The following TNR variants were observed in gnomAD, a reference collection of about 807,000 sequenced individuals.
The protein encoded by TNR is tenascin R.
Under a neutral mutation model 150.4 loss-of-function variants are expected in TNR, and 45 were observed. The observed-to-expected ratio is 0.30, with a 90% CI of 0.24 to 0.38. The LOEUF is 0.38. Ranked by LOEUF, TNR falls within the 10% of genes least tolerant of loss-of-function variation. TNR has a pLI of 1.00. For synonymous variants in TNR, 687 were observed against 678.4 expected, an observed-to-expected ratio of 1.01 and a Z score of -0.20; for missense variants, 1,544 against 1,759.1, an observed-to-expected ratio of 0.88 and a Z score of 2.19.
rs368241781 is a variant in TNR, at chr1:175,510,976, CA to C, written c.-64+17292del. 2.2e-3 allele frequency among the ~76,000 whole-genome samples: 328 copies of C among 152,258 alleles called. 1 individual carries two copies. Among genetic ancestry groups the C allele is most frequent in the African/African-American group, 7.5e-3 (313 of 41,542 alleles). ...TGAAAGGAATTAGCTGCTTATATGG[CA>C]AAAAATATCACCAACATGGAGGTGA... On this transcript the variant is annotated intron_variant, in intron 2 of 22. Transcript: ENST00000367674.
intron 2 of TNR, among the ~76,000 whole-genome samples, chr1:175,439,820 A>G (rs1655695471): frequency 6.6e-6 from 1 of 152,230 alleles, no homozygotes; most frequent in South Asian, 2.1e-4. Flanking sequence ...CAAAACCATA[A>G]TGAGATACCA....
At chr1:175,474,731 G>A (rs1030429394) in intron 2 of TNR, among the ~76,000 whole-genome samples, 2 of 152,182 alleles carry the variant, frequency 1.3e-5, no homozygotes, top group African/African-American at 4.8e-5. Flanking sequence ...GCTGGTAAGA[G>A]GGAACATGCT....
intron 1 of TNR, among the ~76,000 whole-genome samples, chr1:175,680,330 A>T (rs555696963): frequency 5.0e-4 from 76 of 152,262 alleles, no homozygotes; most frequent in Non-Finnish European, 1.1e-3. Context: ...AGGCAGAGAC[A>T]GACAGAGATG....
chr1:175,629,400 C>T (rs4140561), intron 1 of TNR, among the ~76,000 whole-genome samples: 40,093 of 152,018 alleles, frequency 0.26, 6,025 homozygotes, highest in East Asian at 0.5. Flanking sequence ...AGCTCATGAA[C>T]ATTAAAAATG....
At chr1:175,658,814 C>G (rs978390605) in intron 1 of TNR, among the ~76,000 whole-genome samples, 1 of 152,142 alleles carries the variant, frequency 6.6e-6, no homozygotes, top group Non-Finnish European at 1.5e-5. Flanking sequence ...TTTGCCAATC[C>G]CTGGATCCCA....
intron 2 of TNR, among the ~76,000 whole-genome samples, chr1:175,485,750 T>A (rs1440182989): frequency 6.6e-6 from 1 of 152,196 alleles, no homozygotes; most frequent in Admixed American, 6.5e-5. Context: ...AGTATAATGT[T>A]TATTTATATA....
intron 2 of TNR, among the ~76,000 whole-genome samples, chr1:175,520,959 C>A (rs910637969): frequency 6.6e-6 from 1 of 152,190 alleles, no homozygotes; most frequent in East Asian, 1.9e-4. Flanking sequence ...GGACACCTAC[C>A]TTTCTGAAGG....
intron 9 of TNR, among the ~76,000 whole-genome samples, chr1:175,369,318 C>T (rs894656782): frequency 1.3e-5 from 2 of 152,172 alleles, no homozygotes; most frequent in African/African-American, 4.8e-5. Context: ...AAGGTGTCGC[C>T]AGGACCATGC....
intron 2 of TNR, among the ~76,000 whole-genome samples, chr1:175,425,370 A>G (rs1244295704): frequency 6.6e-6 from 1 of 152,204 alleles, no homozygotes; most frequent in African/African-American, 2.4e-5. Flanking sequence ...GGTGGTTTTA[A>G]GCACTTAATA....
chr1:175,635,889 T>C (rs556540061), intron 1 of TNR, among the ~76,000 whole-genome samples: 50 of 151,856 alleles, frequency 3.3e-4, no homozygotes, highest in African/African-American at 1.1e-3. Flanking sequence ...TGAAAATCCA[T>C]TTCAATTCAA....
At chr1:175,393,318 A>T (rs960277442) in intron 6 of TNR, among the ~76,000 whole-genome samples, 1 of 152,170 alleles carries the variant, frequency 6.6e-6, no homozygotes, top group Non-Finnish European at 1.5e-5. Context: ...TATGTCTGTA[A>T]CCTTTAGGGA....
chr1:175,708,856 T>G (rs1245398740), intron 1 of TNR, among the ~76,000 whole-genome samples: 1 of 152,160 alleles, frequency 6.6e-6, no homozygotes, highest in Non-Finnish European at 1.5e-5. Context: ...TCAAGTTACT[T>G]ACAGCTAATC....
chr1:175,656,820 T>G (rs1484792754), intron 1 of TNR, among the ~76,000 whole-genome samples: 1 of 152,114 alleles, frequency 6.6e-6, no homozygotes, highest in African/African-American at 2.4e-5. Flanking sequence ...TGTATGAGCT[T>G]GAAGTTTTGT....
In TNR at chr1:175,359,743, T is replaced by C; in HGVS notation, c.2855-12A>G. Reference sequence around the variant, plus strand: ...AGGGTTGTCCATGGCTGAAACAGAATAGATTATCAGTTACAGATAAGAGGA... The same window carrying C: ...AGGGTTGTCCATGGCTGAAACAGAACAGATTATCAGTTACAGATAAGAGGA... On this transcript the variant is annotated splice_polypyrimidine_tract_variant and intron_variant, in intron 14 of 22. Transcript: ENST00000367674. 6.2e-7 allele frequency: 1 copy of C among 1,602,174 alleles called. No individual in the cohort carries two copies. The highest frequency in any genetic ancestry group is 8.5e-7 in the Non-Finnish European group (1 of 1,174,320).
chr1:175,349,041 T>C (rs753620852), intron 18 of TNR, among the ~76,000 whole-genome samples: 2 of 152,144 alleles, frequency 1.3e-5, no homozygotes, highest in African/African-American at 4.8e-5. Context: ...AAATGAGATA[T>C]AAATTATCTC....
intron 1 of TNR, among the ~76,000 whole-genome samples, chr1:175,730,606 A>G (rs546097844): frequency 1.1e-4 from 16 of 152,370 alleles, no homozygotes; most frequent in Admixed American, 3.3e-4. Flanking sequence ...CTGAATGCCA[A>G]CAGAATTCCA....
intron 1 of TNR, among the ~76,000 whole-genome samples, chr1:175,678,562 C>A (rs533961781): frequency 9.8e-5 from 15 of 152,334 alleles, no homozygotes; most frequent in Admixed American, 7.8e-4. Context: ...GCCCACCTCC[C>A]CTGTCTGCTT....
intron 2 of TNR, among the ~76,000 whole-genome samples, chr1:175,444,164 C>A (rs1655923193): frequency 6.6e-6 from 1 of 152,148 alleles, no homozygotes; most frequent in African/African-American, 2.4e-5. Flanking sequence ...TTAAAACCAG[C>A]ATACAAAGCC....
rs546492660 is a variant in TNR, at chr1:175,547,998, G to T, written c.-164-19629C>A. On this transcript the variant is annotated intron_variant, in intron 1 of 22. Transcript: ENST00000367674. ...GTTGTAGAAAGCTGAAGGTAGCTGC[G>T]TGAAAGGTGGATTCATGTGGGCAAA... Among the ~76,000 whole-genome samples the T allele has an allele frequency of 2.0e-5, 3 of 152,328 alleles. No homozygotes were observed. In the South Asian group the frequency reaches 6.2e-4, roughly 32 times the overall value.
Sources: allele counts gnomAD v4.1 joint callset (sites outside exome capture counted in the v4.1 genomes callset), GRCh38; gene constraint gnomAD v4.1.1; transcripts MANE v1.5; gene names NCBI Gene and HGNC (gene_info 2026-07-23, HGNC 2026-07-21).